HS3ST3B1: variants seen among roughly 807,000 people sequenced by gnomAD.
HS3ST3B1 encodes the protein heparan sulfate glucosamine 3-O-sulfotransferase 3B1.
Under a neutral mutation model 21.3 loss-of-function variants are expected in HS3ST3B1, and 13 were observed. That is an observed-to-expected ratio of 0.61 (90% CI 0.40 to 0.97). The LOEUF (loss-of-function observed/expected upper bound fraction) is 0.97. HS3ST3B1 is among the 50% of genes least tolerant of loss of function. HS3ST3B1 has a pLI of 0.00. For synonymous variants in HS3ST3B1, 234 were observed against 254.8 expected (o/e 0.92, Z 0.78); for missense variants, 459 against 554.8 (o/e 0.83, Z 1.73).
At position 14,303,718 on chromosome 17, in the gene HS3ST3B1, C is replaced by G. The variant is rs2142320951; in HGVS notation, c.554+1646C>G. 1 of 152,350 alleles carries G rather than the reference C, an allele frequency of 6.6e-6. No individual in the cohort carries two copies. The highest frequency in any genetic ancestry group is 2.1e-4 in the South Asian group (1 of 4,832). 9.4% of individuals were successfully genotyped at this position (152,350 alleles called of 1,614,324 possible). ...CCTCTCTAATCGTTAGCTATTGTCACCGATTGTATTGTTATGACTTCTACC... is the reference window on the plus strand; with the variant it reads ...CCTCTCTAATCGTTAGCTATTGTCAGCGATTGTATTGTTATGACTTCTACC... On this transcript the variant is annotated intron_variant, in intron 1 of 1. Transcript: ENST00000360954. This position sits in a 1 kb window ranked among gnomAD's most constrained non-coding sequence, Gnocchi z 5.7.
At chr17:14,341,563 T>G (rs1428224810) in intron 1 of HS3ST3B1, among the ~76,000 whole-genome samples, 2 of 151,876 alleles carry the variant, frequency 1.3e-5, no homozygotes, top group Non-Finnish European at 2.9e-5. Context: ...ATGAGAAAAC[T>G]GCAGCATGGA....
chr17:14,324,074 C>T (rs1036030950), intron 1 of HS3ST3B1, among the ~76,000 whole-genome samples: 1 of 152,058 alleles, frequency 6.6e-6, no homozygotes, highest in African/African-American at 2.4e-5. Context: ...GATTCGTCTG[C>T]CCAGAATGAG....
At chr17:14,306,333 A>G (rs980608207) in intron 1 of HS3ST3B1, among the ~76,000 whole-genome samples, 5 of 152,230 alleles carry the variant, frequency 3.3e-5, no homozygotes, top group African/African-American at 9.6e-5. Context: ...GAGAAAACAT[A>G]GCAAGTGTCC....
At chr17:14,312,596 C>T (rs767590736) in intron 1 of HS3ST3B1, among the ~76,000 whole-genome samples, 13 of 152,100 alleles carry the variant, frequency 8.5e-5, no homozygotes, top group Non-Finnish European at 1.6e-4. Context: ...TGTGCCAACC[C>T]AGCACTTTCC....
intron 1 of HS3ST3B1, among the ~76,000 whole-genome samples, chr17:14,326,773 T>C (rs1245598978): frequency 6.6e-6 from 1 of 151,790 alleles, no homozygotes; most frequent in African/African-American, 2.4e-5. Context: ...ACAAAAAAAC[T>C]AGCTGGACGT....
At chr17:14,342,359 G>A (rs993546900) in intron 1 of HS3ST3B1, among the ~76,000 whole-genome samples, 3 of 152,052 alleles carry the variant, frequency 2.0e-5, no homozygotes, top group African/African-American at 7.2e-5. Context: ...TAGAATAATA[G>A]CAGGCACCCA....
intron 1 of HS3ST3B1, among the ~76,000 whole-genome samples, chr17:14,336,970 G>T (rs1169411592): frequency 6.6e-6 from 1 of 152,130 alleles, no homozygotes; most frequent in Non-Finnish European, 1.5e-5. Flanking sequence ...GAGTCCTGAG[G>T]CTGCTTAAGG....
At chr17:14,314,733 C>T (rs1909444984) in intron 1 of HS3ST3B1, among the ~76,000 whole-genome samples, 1 of 152,150 alleles carries the variant, frequency 6.6e-6, no homozygotes, top group African/African-American at 2.4e-5. Flanking sequence ...ATGGGGGAAT[C>T]GTCTCTCCTT....
At chr17:14,318,210 A>G (rs1909557759) in intron 1 of HS3ST3B1, among the ~76,000 whole-genome samples, 1 of 152,164 alleles carries the variant, frequency 6.6e-6, no homozygotes, top group Non-Finnish European at 1.5e-5. Flanking sequence ...CAGCTTCTCC[A>G]GCCCGATGGT....
In HS3ST3B1 at chr17:14,345,018, C is replaced by A. The variant is rs752919910; in HGVS notation, c.555-10C>A. ...CTTCTGATCCCGGTTTGTTTGCTTG[C>A]GTTTCTCAGGGACCTGATGCCCAGA... is the stretch of plus-strand genomic sequence containing the variant. On this transcript the variant is annotated splice_polypyrimidine_tract_variant and intron_variant, in intron 1 of 1. Coordinates refer to ENST00000360954, the MANE Select transcript of HS3ST3B1 (RefSeq NM_006041.3). 6.2e-6 allele frequency: 10 copies of A among 1,604,742 alleles called. No homozygotes were observed. Among genetic ancestry groups the A allele is most frequent in the Non-Finnish European group, 7.7e-6 (9 of 1,173,690 alleles).
chr17:14,330,761 G>C (rs1909985586), intron 1 of HS3ST3B1, among the ~76,000 whole-genome samples: 1 of 152,134 alleles, frequency 6.6e-6, no homozygotes, highest in South Asian at 2.1e-4. Flanking sequence ...GGGGACTACA[G>C]AGGCATGCGA....
At chr17:14,326,816 G>A (rs1235180856) in intron 1 of HS3ST3B1, among the ~76,000 whole-genome samples, 1 of 151,738 alleles carries the variant, frequency 6.6e-6, no homozygotes, top group African/African-American at 2.4e-5. Flanking sequence ...AGCTACTTGG[G>A]AGGCTGAGGC....
intron 1 of HS3ST3B1, among the ~76,000 whole-genome samples, chr17:14,311,198 A>G (rs1219041268): frequency 1.3e-5 from 2 of 148,650 alleles, no homozygotes; most frequent in Non-Finnish European, 3.0e-5. Flanking sequence ...TCTCCCGTGT[A>G]GCAGGGACTA....
chr17:14,323,718 A>G (rs1438673298), intron 1 of HS3ST3B1, among the ~76,000 whole-genome samples: 1 of 152,160 alleles, frequency 6.6e-6, no homozygotes, highest in Non-Finnish European at 1.5e-5. Context: ...TTGTTACCTG[A>G]TAGTCCTGAC....
intron 1 of HS3ST3B1, among the ~76,000 whole-genome samples, chr17:14,333,246 T>G (rs1400933930): frequency 6.6e-6 from 1 of 151,910 alleles, no homozygotes; most frequent in East Asian, 1.9e-4. Context: ...GGCGGGCGGA[T>G]CACGAGGTCA....
intron 1 of HS3ST3B1, chr17:14,304,054 G>C (rs552725791): frequency 6.6e-6 from 1 of 152,354 alleles, no homozygotes; most frequent in Non-Finnish European, 1.5e-5. Context: ...GAACGAAGTC[G>C]CGTGGAAACC....
intron 1 of HS3ST3B1, among the ~76,000 whole-genome samples, chr17:14,333,080 C>T (rs369216727): frequency 2.0e-5 from 3 of 151,802 alleles, no homozygotes; most frequent in African/African-American, 7.2e-5. Context: ...TGTGCGTCCC[C>T]AGAGGAGAAA....
Position 14,345,763 on chromosome 17 carries a change from A to G in HS3ST3B1, c.*117A>G, listed in dbSNP as rs1175506912. On this transcript the variant is annotated 3_prime_UTR_variant, in exon 2 of 2. Transcript: ENST00000360954. ...TTTATTTTTAATTCATAAGCAATTA[A>G]TTCACTAAGCTGCCTAGCCACACTC... is the stretch of plus-strand genomic sequence containing the variant. 3.1e-6 allele frequency: 4 copies of G among 1,297,606 alleles called. No homozygotes were observed. The highest frequency in any genetic ancestry group is 4.1e-6 in the Non-Finnish European group (4 of 965,750). 80.4% of individuals were successfully genotyped at this position (1,297,606 alleles called of 1,614,324 possible). A position where few individuals can be genotyped will look rare whatever the true frequency, so the allele number is the denominator to read the frequency against.
chr17:14,328,620 G>C (rs1909888810), intron 1 of HS3ST3B1: 1 of 152,228 alleles, frequency 6.6e-6, no homozygotes, highest in South Asian at 2.1e-4. Flanking sequence ...TGACAAGAAG[G>C]AGTGTGAGAT....
Sources: gnomAD v4.1 joint callset for allele counts (sites outside exome capture counted in the v4.1 genomes callset) on GRCh38, gnomAD v4.1.1 for gene constraint, Gnocchi (gnomAD v3.1) non-coding constraint, MANE v1.5 for transcripts, NCBI Gene and HGNC (gene_info 2026-07-23, HGNC 2026-07-21) for gene names.